The following SMIM10L3 variants were observed in gnomAD, a reference collection of about 807,000 sequenced individuals.
SMIM10L3 encodes small integral membrane protein 10 like 3, also known as salivary gland specific protein SAGSIN1.
chr7:6,330,063 T>C, the SMIM10L3 span: 3,084 of 326,116 alleles, frequency 9.5e-3, 15 homozygotes, highest in Non-Finnish European at 0.011. Context: ...CCCTTTAGAA[T>C]GGATGTTGAA....
chr7:6,335,459 C>T, the SMIM10L3 span, among the ~76,000 whole-genome samples: 1 of 151,922 alleles, frequency 6.6e-6, no homozygotes, highest in African/African-American at 2.4e-5. Context: ...ATGTCCTGAC[C>T]TCAGGTGATC....
chr7:6,341,227 G>T, the SMIM10L3 span, among the ~76,000 whole-genome samples: 3 of 151,162 alleles, frequency 2.0e-5, no homozygotes, highest in South Asian at 6.3e-4. Context: ...GGTAGATCAG[G>T]AGGTCAGGAG....
At chr7:6,346,350 T>A in the SMIM10L3 span, among the ~76,000 whole-genome samples, 7 of 152,182 alleles carry the variant, frequency 4.6e-5, no homozygotes, top group South Asian at 6.2e-4. Context: ...GACCTCAAAA[T>A]AAAGAGGCCA....
chr7:6,332,509 G>A, the SMIM10L3 span, among the ~76,000 whole-genome samples: 2 of 152,044 alleles, frequency 1.3e-5, no homozygotes, highest in Non-Finnish European at 2.9e-5. Flanking sequence ...CACATGATGT[G>A]TTCACTTAAA....
At chr7:6,337,267 G>A in the SMIM10L3 span, among the ~76,000 whole-genome samples, 3 of 151,962 alleles carry the variant, frequency 2.0e-5, no homozygotes, top group South Asian at 2.1e-4. Context: ...TCCCCTTTGG[G>A]ACTAGCCTTG....
At chr7:6,345,906 T>G in the SMIM10L3 span, among the ~76,000 whole-genome samples, 1 of 151,924 alleles carries the variant, frequency 6.6e-6, no homozygotes, top group Admixed American at 6.6e-5. Flanking sequence ...GTAGCTGGGA[T>G]TACAGGCGTG....
At chr7:6,340,536 C>T in the SMIM10L3 span, among the ~76,000 whole-genome samples, 1 of 152,124 alleles carries the variant, frequency 6.6e-6, no homozygotes, top group Non-Finnish European at 1.5e-5. Flanking sequence ...AGACCACCCA[C>T]AGCTTCCCCA....
At chr7:6,343,935 GAGAGCAGTGGTGGGATCATAGCTTACTGT>G in the SMIM10L3 span, among the ~76,000 whole-genome samples, 1 of 152,052 alleles carries the variant, frequency 6.6e-6, no homozygotes, top group South Asian at 2.1e-4. Flanking sequence ...ACCCATGCTG[GAGAGCAGTGGTGGGATCATAGCTTACTGT>G]AGCCTTGAAC....
the SMIM10L3 span, among the ~76,000 whole-genome samples, chr7:6,333,665 A>T: frequency 2.0e-5 from 3 of 146,660 alleles, no homozygotes; most frequent in Non-Finnish European, 4.5e-5. Flanking sequence ...CACCTGGCAA[A>T]TTTTTTTTTT....
chr7:6,332,827 ACT>A, the SMIM10L3 span, among the ~76,000 whole-genome samples: 1 of 151,880 alleles, frequency 6.6e-6, no homozygotes, highest in South Asian at 2.1e-4. Flanking sequence ...GAACTAGGAG[ACT>A]CTTAATGCTA....
chr7:6,348,901 T>G, the SMIM10L3 span: 15 of 385,356 alleles, frequency 3.9e-5, no homozygotes, highest in African/African-American at 2.1e-4. Context: ...TGGAGCGGAG[T>G]CCGCACGTCA....
chr7:6,330,987 T>A, the SMIM10L3 span: 2 of 1,614,242 alleles, frequency 1.2e-6, no homozygotes, highest in Non-Finnish European at 8.5e-7. Flanking sequence ...CCTCACTTTG[T>A]GAATTTCCAT....
chr7:6,345,317 GT>G, the SMIM10L3 span, among the ~76,000 whole-genome samples: 2 of 151,760 alleles, frequency 1.3e-5, no homozygotes, highest in Non-Finnish European at 2.9e-5. Context: ...GTCTTGCTGT[GT>G]TGCCCAGGCT....
the SMIM10L3 span, among the ~76,000 whole-genome samples, chr7:6,334,673 C>T: frequency 6.6e-6 from 1 of 151,932 alleles, no homozygotes; most frequent in Non-Finnish European, 1.5e-5. Context: ...CACGAGTTGC[C>T]CAGGCTGGTC....
chr7:6,331,021 G>T, the SMIM10L3 span: 1 of 1,614,128 alleles, frequency 6.2e-7, no homozygotes. Flanking sequence ...ATTCATCCAG[G>T]AGGGTGCATC....
At chr7:6,347,981 G>A in the SMIM10L3 span, among the ~76,000 whole-genome samples, 1 of 150,680 alleles carries the variant, frequency 6.6e-6, no homozygotes, top group Non-Finnish European at 1.5e-5. Context: ...AGCGATCTCG[G>A]CTCACCGCAA....
the SMIM10L3 span, among the ~76,000 whole-genome samples, chr7:6,340,090 G>C: frequency 1.3e-5 from 2 of 151,724 alleles, no homozygotes; most frequent in African/African-American, 4.8e-5. Context: ...TCTCCATGTT[G>C]ACCAGGCTGG....
chr7:6,334,774 T>TA, the SMIM10L3 span, among the ~76,000 whole-genome samples: 1 of 145,184 alleles, frequency 6.9e-6, no homozygotes, highest in East Asian at 2.1e-4. Flanking sequence ...CCTGGATAGT[T>TA]AGTTAGTTAT....
the SMIM10L3 span, among the ~76,000 whole-genome samples, chr7:6,343,036 C>CAAA: frequency 2.0e-5 from 2 of 99,114 alleles, no homozygotes; most frequent in African/African-American, 4.0e-5. Flanking sequence ...GACGCTTTCT[C>CAAA]AAAAAAAAAA....
Sources: gnomAD v4.1 joint callset for allele counts (sites outside exome capture counted in the v4.1 genomes callset) on GRCh38, gnomAD v4.1.1 for gene constraint, MANE v1.5 for transcripts, NCBI Gene and HGNC (gene_info 2026-07-23, HGNC 2026-07-21) for gene names.